The following ZFAND1 variants were observed in gnomAD, a reference collection of about 807,000 sequenced individuals.
ZFAND1 encodes AN1-type zinc finger protein 1.
Under a neutral mutation model 38.5 loss-of-function variants are expected in ZFAND1, and 40 were observed. That is an observed-to-expected ratio of 1.04 (90% CI 0.81 to 1.35). The LOEUF is 1.35. Among genes scored for constraint, ZFAND1 ranks in the 40% most tolerant of loss-of-function variants. The probability of loss-of-function intolerance (pLI) is 0.00; values close to 1 mark genes in which losing one functional copy is unlikely to be tolerated. For missense variants in ZFAND1, 346 were observed against 316.3 expected (o/e 1.09, Z -0.71); for synonymous variants, 117 against 103.6 (o/e 1.13, Z -0.78).
rs1050319767 is a variant in ZFAND1, at chr8:81,720,917, C to CA, written c.55+309dup. On this transcript the variant is annotated intron_variant, in intron 1 of 7. Coordinates refer to ENST00000220669, the MANE Select transcript of ZFAND1 (RefSeq NM_024699.3). ...ACACGTCATTTCAAAAGCTCACGGC[C>CA]AAAAAAAACCCGCACCAACCGATCT... 6.0e-5 allele frequency: 28 copies of CA among 463,680 alleles called. 1 individual carries two copies. Among genetic ancestry groups the CA allele is most frequent in the South Asian group, 2.3e-4 (9 of 39,304 alleles). 28.7% of individuals were successfully genotyped at this position (463,680 alleles called of 1,614,324 possible).
chr8:81,716,405 C>T (rs1479761762), intron 3 of ZFAND1, among the ~76,000 whole-genome samples: 1 of 152,142 alleles, frequency 6.6e-6, no homozygotes, highest in Non-Finnish European at 1.5e-5. Flanking sequence ...CTTATCTTTA[C>T]CAGTAATAAG....
At chr8:81,719,688 G>A (rs932394010) in intron 1 of ZFAND1, among the ~76,000 whole-genome samples, 2 of 152,174 alleles carry the variant, frequency 1.3e-5, no homozygotes, top group African/African-American at 4.8e-5. Flanking sequence ...CCAGAAGGTA[G>A]ATAAAATTTA....
rs569073548 is a variant in ZFAND1 at position 81,721,263 on chromosome 8, C to A, written c.19G>T (p.Gly7Trp). 7 of 1,549,254 alleles carry A rather than the reference C, an allele frequency of 4.5e-6. No individual in the cohort carries two copies. The highest frequency in any genetic ancestry group is 5.2e-6 in the Non-Finnish European group (6 of 1,147,160). ...CAATGCTCCACCTGGCAGTGCTGCC[C>A]GATGTCCAACTCCGCCATCTCTCCG... is the stretch of plus-strand genomic sequence containing the variant. MAELDI[G>W]QHCQVEHCRQ... The change falls in exon 1 of 8, where the codon GGG becomes TGG. Residue 7 changes from glycine to tryptophan, a missense_variant. Physicochemically the swap from Gly to Trp is radical, Grantham distance 184. Transcript: ENST00000220669.
chr8:81,704,951 T>C (rs1807930502), intron 6 of ZFAND1, among the ~76,000 whole-genome samples: 1 of 136,332 alleles, frequency 7.3e-6, no homozygotes, highest in Non-Finnish European at 1.6e-5. Context: ...TATAGCCTTA[T>C]CTTTTTTTTT....
At position 81,702,854 on chromosome 8, in the gene ZFAND1, C is replaced by A. The variant is rs749576979; in HGVS notation, c.648G>T (p.Leu216=). ...AGGCTTCTCCTGAAGTAATGTGACA[C>A]AGCCTTAATTTCTGTGAAGGGAGAA... ...NNKFTAKKLR[L]CHITSGEALP... Residue 216 remains leucine (L), a synonymous_variant, in exon 8 of 8, where the codon CTG becomes CTT. Transcript: ENST00000220669. The A allele has an allele frequency of 6.3e-7, 1 of 1,590,394 alleles. No homozygotes were observed. Among genetic ancestry groups the A allele is most frequent in the African/African-American group, 1.4e-5 (1 of 73,858 alleles).
At chr8:81,707,661 A>G (rs940780238) in intron 6 of ZFAND1, among the ~76,000 whole-genome samples, 13 of 152,246 alleles carry the variant, frequency 8.5e-5, no homozygotes, top group African/African-American at 1.2e-4. Context: ...TGGGACTTGC[A>G]TGATCAGATA....
chr8:81,713,821 G>T, intron 6 of ZFAND1, 97 bp downstream of exon 6: 1 of 1,222,926 alleles, frequency 8.2e-7, no homozygotes, highest in Non-Finnish European at 1.2e-6. Flanking sequence ...ATACATACCA[G>T]GTTTAGGTTA....
intron 1 of ZFAND1, chr8:81,720,938 G>A (rs1808453092): frequency 2.1e-6 from 1 of 482,052 alleles, no homozygotes; most frequent in Non-Finnish European, 3.7e-6. Context: ...CGCACCAACC[G>A]ATCTCACTGC....
At chr8:81,719,296 C>G (rs1808402307) in intron 1 of ZFAND1, among the ~76,000 whole-genome samples, 3 of 133,262 alleles carry the variant, frequency 2.3e-5, no homozygotes, top group African/African-American at 8.7e-5. Context: ...TGGCGAAACC[C>G]CATCTCTACT....
chr8:81,705,364 A>AATT (rs35489757), intron 6 of ZFAND1, among the ~76,000 whole-genome samples: 19,094 of 152,124 alleles, frequency 0.13, 2,027 homozygotes, highest in East Asian at 0.57. Flanking sequence ...CTGAACTTTA[A>AATT]AAAGACATTT....
At chr8:81,707,319 G>A (rs1457327045) in intron 6 of ZFAND1, among the ~76,000 whole-genome samples, 4 of 152,174 alleles carry the variant, frequency 2.6e-5, no homozygotes. Context: ...TCAAATAAAT[G>A]GTCAAATCCT....
chr8:81,708,338 G>C (rs1022087810), intron 6 of ZFAND1, among the ~76,000 whole-genome samples: 1 of 145,014 alleles, frequency 6.9e-6, no homozygotes, highest in Non-Finnish European at 1.5e-5. Context: ...TGAAAGAAAA[G>C]ACAGAACTTG....
chr8:81,714,170 T>C (rs1808229253), intron 5 of ZFAND1, 131 bp from the exon 6 acceptor site: 1 of 823,188 alleles, frequency 1.2e-6, no homozygotes, highest in African/African-American at 1.8e-5. Flanking sequence ...GAGACCACAT[T>C]CATTGTATAG....
At position 81,701,408 on chromosome 8, in the gene ZFAND1, A is replaced by T. The variant is rs1001588706; in HGVS notation, c.*1287T>A. 2 of 152,202 alleles carry T rather than the reference A, an allele frequency of 1.3e-5. No homozygotes were observed. The highest frequency in any genetic ancestry group is 1.3e-4 in the Admixed American group (2 of 15,276). The allele number at this position is 152,202 out of a possible 1,614,324, so 9.4% of individuals were successfully genotyped here. A position where few individuals can be genotyped will look rare whatever the true frequency, so the allele number is the denominator to read the frequency against. On this transcript the variant is annotated 3_prime_UTR_variant, in exon 8 of 8. Transcript: ENST00000220669. The stretch of plus-strand genomic sequence containing the variant: ...TAGACATAATGCTATTGCACATTAA[A>T]TAGACTATAGTATAGTGTAAACATA...
chr8:81,708,646 T>C (rs1052270164), intron 6 of ZFAND1: 24 of 567,964 alleles, frequency 4.2e-5, no homozygotes, highest in Non-Finnish European at 5.2e-5. Flanking sequence ...AAAGCAATTA[T>C]GAAATATCTT....
At position 81,708,322 on chromosome 8, in the gene ZFAND1, C is replaced by A. The variant is rs1421225629; in HGVS notation, c.481-5198G>T. 1.4e-5 allele frequency among the ~76,000 whole-genome samples: 2 copies of A among 141,376 alleles called. 1 individual carries two copies. Among genetic ancestry groups the A allele is most frequent in the South Asian group, 4.6e-4 (2 of 4,382 alleles). The allele number at this position is 141,376 out of a possible 152,430, so 92.7% of individuals were successfully genotyped here. A position where few individuals can be genotyped will look rare whatever the true frequency, so the allele number is the denominator to read the frequency against. On this transcript the variant is annotated intron_variant, in intron 6 of 7. Coordinates refer to ENST00000220669, the MANE Select transcript of ZFAND1 (RefSeq NM_024699.3). ...CACAAAACCCAAAGGAAAACCACAA[C>A]AGGAATGAAAGAAAAGACAGAACTT...
intron 2 of ZFAND1, 32 bp downstream of exon 2, chr8:81,718,150 A>T: frequency 6.6e-7 from 1 of 1,523,114 alleles, no homozygotes; most frequent in Non-Finnish European, 8.9e-7. Context: ...CACTAAAATT[A>T]CTCCCAAATC....
intron 6 of ZFAND1, among the ~76,000 whole-genome samples, chr8:81,706,785 G>A (rs1807997813): frequency 6.6e-6 from 1 of 152,102 alleles, no homozygotes; most frequent in South Asian, 2.1e-4. Context: ...TGGTGATGTA[G>A]CTGAATAATA....
intron 5 of ZFAND1, 115 bp downstream of exon 5, chr8:81,714,689 T>C (rs1466594069): frequency 1.2e-6 from 1 of 840,604 alleles, no homozygotes; most frequent in Non-Finnish European, 1.9e-6. Flanking sequence ...AAAATACAAG[T>C]TAATACGAAT....
Sources: allele counts gnomAD v4.1 joint callset (sites outside exome capture counted in the v4.1 genomes callset), GRCh38; gene constraint gnomAD v4.1.1; transcripts MANE v1.5; gene names NCBI Gene and HGNC (gene_info 2026-07-23, HGNC 2026-07-21).